The following PPP2R3B variants were observed in gnomAD, a reference collection of about 807,000 sequenced individuals.
The protein encoded by PPP2R3B is protein phosphatase 2 regulatory subunit B''beta.
In PPP2R3B, 68 loss-of-function variants were observed where a neutral mutation model predicts 72.9. The ratio of observed to expected loss-of-function variants is 0.93; its 90% CI spans 0.77 to 1.14. The LOEUF (loss-of-function observed/expected upper bound fraction) is 1.14. Ranked by LOEUF, PPP2R3B falls within the 50% of genes most tolerant of loss-of-function variation. The pLI is 0.00. For missense variants in PPP2R3B, 1,018 were observed against 842.0 expected (o/e 1.21, Z -2.59); for synonymous variants, 466 against 375.8 (o/e 1.24, Z -2.78).
intron 1 of PPP2R3B, among the ~76,000 whole-genome samples, chrX:383,390 A>C (rs750104625): frequency 1.3e-5 from 2 of 152,216 alleles, no homozygotes; most frequent in South Asian, 4.2e-4. Context: ...AAATGGTATA[A>C]ACAAGTTCCG....
intron 10 of PPP2R3B, 40 bp from the exon 11 acceptor site, chrX:338,936 T>C (rs763920498): frequency 1.3e-6 from 2 of 1,567,006 alleles, no homozygotes; most frequent in Admixed American, 1.7e-5. Flanking sequence ...GTGAGCCCGG[T>C]CTCACCTTCG....
In PPP2R3B at chrX:386,497, G is replaced by A. The variant is rs2072254640; in HGVS notation, c.195C>T (p.Ala65=). The change falls in exon 1 of 13, where the codon GCC becomes GCT. Residue 65 remains alanine, a synonymous_variant. Coordinates refer to ENST00000390665, the MANE Select transcript of PPP2R3B (RefSeq NM_013239.5). ...PGAWPTAPLA[A]PRPSGLEPPG... is the part of the protein sequence containing the mutation. The stretch of plus-strand genomic sequence containing the variant: ...GGGGTTCGAGCCCGCTGGGCCGGGG[G>A]GCGGCGAGCGGGGCTGTGGGCCAGG... The A allele has an allele frequency of 5.4e-6, 7 of 1,290,484 alleles. No individual in the cohort carries two copies. Among genetic ancestry groups the A allele is most frequent in the Non-Finnish European group, 6.9e-6 (7 of 1,018,130 alleles). The allele number at this position is 1,290,484 out of a possible 1,614,324, so 79.9% of individuals were successfully genotyped here.
At chrX:346,596 G>A (rs1603054213) in intron 5 of PPP2R3B, 105 bp downstream of exon 5, 1 of 1,122,654 alleles carries the variant, frequency 8.9e-7, no homozygotes, top group Non-Finnish European at 1.3e-6. Context: ...GGAAGCTCAG[G>A]AACCCCGGGC....
Position 334,271 on chromosome X carries a change from A to G in PPP2R3B, c.*96T>C. 1 of 1,303,648 alleles carries G rather than the reference A, an allele frequency of 7.7e-7. No individual in the cohort carries two copies. Among genetic ancestry groups the G allele is most frequent in the South Asian group, 1.6e-5 (1 of 62,186 alleles). The allele number at this position is 1,303,648 out of a possible 1,614,324, so 80.8% of individuals were successfully genotyped here. ...AATAAAAGTTTATCATTCCGTACAA[A>G]CGCACTCATTTTCCACAACAGTTTT... is the stretch of plus-strand genomic sequence containing the variant. On this transcript the variant is annotated 3_prime_UTR_variant, in exon 13 of 13. Coordinates refer to ENST00000390665, the MANE Select transcript of PPP2R3B (RefSeq NM_013239.5).
chrX:363,414 C>T (rs2071592946), intron 1 of PPP2R3B, among the ~76,000 whole-genome samples: 1 of 151,964 alleles, frequency 6.6e-6, no homozygotes, highest in South Asian at 2.1e-4. Context: ...TCCCACAGTG[C>T]ATCTCCCCGA....
chrX:341,964 A>G, intron 7 of PPP2R3B, 33 bp from the exon 8 acceptor site: 1 of 1,611,994 alleles, frequency 6.2e-7, no homozygotes, highest in East Asian at 2.2e-5. Context: ...GGCAGCCCGC[A>G]CCGTGCCTCG....
chrX:354,719 C>T (rs996261527), intron 2 of PPP2R3B, among the ~76,000 whole-genome samples: 3 of 152,150 alleles, frequency 2.0e-5, no homozygotes, highest in African/African-American at 2.4e-5. Flanking sequence ...GGTGTGGTGG[C>T]GGGTGCCAGT....
chrX:374,137 C>T (rs1235508426), intron 1 of PPP2R3B: 1 of 150,464 alleles, frequency 6.6e-6, no homozygotes, highest in Non-Finnish European at 1.5e-5. Context: ...AGAGCCTGGG[C>T]GGAACGCGCA....
intron 1 of PPP2R3B, among the ~76,000 whole-genome samples, chrX:366,542 C>CAA (rs1308964662): frequency 2.4e-4 from 1 of 4,106 alleles, no homozygotes; most frequent in Non-Finnish European, 4.1e-4. Context: ...CAAAACAAAA[C>CAA]AAACGATTAA....
intron 2 of PPP2R3B, among the ~76,000 whole-genome samples, chrX:350,424 G>A (rs948332089): frequency 6.6e-6 from 1 of 152,216 alleles, no homozygotes; most frequent in Non-Finnish European, 1.5e-5. Context: ...CTACCGGCAC[G>A]GTGAACACCA....
chrX:375,866 A>G (rs1213901480), intron 1 of PPP2R3B, among the ~76,000 whole-genome samples: 3 of 69,354 alleles, frequency 4.3e-5, no homozygotes, highest in Admixed American at 1.3e-4. Flanking sequence ...ACCCCTGTGG[A>G]CTTTACTGCC....
chrX:352,726 C>T lies in PPP2R3B; in HGVS notation c.511-5033G>A, dbSNP rs139906723. Among the ~76,000 whole-genome samples, 1,502 of 151,894 alleles carry T rather than the reference C, an allele frequency of 9.9e-3. 32 individuals carry two copies. The highest frequency in any genetic ancestry group is 0.034 in the African/African-American group (1,417 of 41,416). On this transcript the variant is annotated intron_variant, in intron 2 of 12. Coordinates refer to ENST00000390665, the MANE Select transcript of PPP2R3B (RefSeq NM_013239.5). ...GCGTCTACAGTCGCACAGGGCACGC[C>T]GACACCAACCGACAGGTGTGAGAGG...
chrX:384,982 C>CAAAAAA (rs773590401), intron 1 of PPP2R3B, among the ~76,000 whole-genome samples: 1 of 63,074 alleles, frequency 1.6e-5, no homozygotes, highest in African/African-American at 5.9e-5. Flanking sequence ...GAATCTGTCT[C>CAAAAAA]AAAAAAAAAA....
intron 1 of PPP2R3B, among the ~76,000 whole-genome samples, chrX:379,170 T>G (rs2072066393): frequency 6.6e-6 from 1 of 151,804 alleles, no homozygotes; most frequent in Non-Finnish European, 1.5e-5. Flanking sequence ...CATGTACCTG[T>G]GTGTATGGAC....
intron 2 of PPP2R3B, among the ~76,000 whole-genome samples, chrX:360,588 A>G (rs1049592964): frequency 3.9e-5 from 6 of 152,192 alleles, no homozygotes; most frequent in Non-Finnish European, 5.9e-5. Flanking sequence ...CCCCCTTCAC[A>G]GCTGCAGAGC....
intron 1 of PPP2R3B, among the ~76,000 whole-genome samples, chrX:370,839 C>G (rs1192676775): frequency 6.6e-6 from 1 of 152,226 alleles, no homozygotes; most frequent in African/African-American, 2.4e-5. Flanking sequence ...TGTCACCACG[C>G]TGAAGTCAGT....
intron 8 of PPP2R3B, 89 bp from the exon 9 acceptor site, chrX:341,485 G>C: frequency 7.2e-7 from 1 of 1,381,276 alleles, no homozygotes; most frequent in Non-Finnish European, 1.0e-6. Flanking sequence ...CCTCGGTGAG[G>C]GGAGCCCCCC....
intron 2 of PPP2R3B, among the ~76,000 whole-genome samples, chrX:350,803 G>A (rs988397556): frequency 1.3e-4 from 20 of 152,226 alleles, no homozygotes; most frequent in African/African-American, 4.6e-4. Context: ...GCGGCTGAGC[G>A]TAAAGCCCCG....
chrX:341,711 C>A (rs1388910528), intron 8 of PPP2R3B, 172 bp downstream of exon 8: 97 of 686,068 alleles, frequency 1.4e-4, no homozygotes, highest in Non-Finnish European at 2.1e-4. Flanking sequence ...CTTGTGCCAC[C>A]CCCCCCCACT....
Sources: allele counts gnomAD v4.1 joint callset (sites outside exome capture counted in the v4.1 genomes callset), GRCh38; gene constraint gnomAD v4.1.1; transcripts MANE v1.5; gene names NCBI Gene and HGNC (gene_info 2026-07-23, HGNC 2026-07-21).